SKAP2: variants seen among roughly 807,000 people sequenced by gnomAD.
SKAP2 encodes src kinase-associated phosphoprotein 2.
SKAP2 carries 28 observed loss-of-function variants against 54.9 expected under a neutral mutation model. That is an observed-to-expected ratio of 0.51 (90% CI 0.38 to 0.70). The LOEUF (loss-of-function observed/expected upper bound fraction) is 0.70. Ranked by LOEUF, SKAP2 falls within the 30% of genes least tolerant of loss-of-function variation. The pLI, the probability that SKAP2 is intolerant of heterozygous loss-of-function variation, is 0.00. For synonymous variants in SKAP2, 137 were observed against 134.3 expected (o/e 1.02, Z -0.14); for missense variants, 356 against 424.1 (o/e 0.84, Z 1.41).
chr7:26,779,394 T>C (rs1783379036), intron 4 of SKAP2, among the ~76,000 whole-genome samples: 1 of 152,032 alleles, frequency 6.6e-6, no homozygotes, highest in East Asian at 1.9e-4. Flanking sequence ...TAGGTCTCTA[T>C]GTTACAGATG....
At chr7:26,695,521 G>A (rs1786875744) in intron 9 of SKAP2, among the ~76,000 whole-genome samples, 2 of 152,018 alleles carry the variant, frequency 1.3e-5, no homozygotes, top group South Asian at 4.1e-4. Context: ...TTAACTTTAG[G>A]CATATGCCTT....
intron 6 of SKAP2, among the ~76,000 whole-genome samples, chr7:26,728,403 T>C (rs774944025): frequency 1.4e-4 from 22 of 152,170 alleles, no homozygotes; most frequent in African/African-American, 5.3e-4. Context: ...AAATTTAGTA[T>C]GCAGCATTTC....
chr7:26,802,401 A>C (rs567055992), intron 4 of SKAP2, among the ~76,000 whole-genome samples: 1 of 151,370 alleles, frequency 6.6e-6, no homozygotes, highest in Non-Finnish European at 1.5e-5. Flanking sequence ...CCTCCCAAGT[A>C]GCTAGGGCTA....
chr7:26,664,728 G>GAAAAAAAAA (rs372243207), downstream of SKAP2, among the ~76,000 whole-genome samples: 1 of 111,104 alleles, frequency 9.0e-6, no homozygotes, highest in Non-Finnish European at 1.9e-5. Flanking sequence ...AAACTGAAAA[G>GAAAAAAAAA]AAAAAAAAAA....
intron 11 of SKAP2, among the ~76,000 whole-genome samples, chr7:26,674,623 C>G (rs1403995803): frequency 6.6e-6 from 1 of 152,148 alleles, no homozygotes; most frequent in Admixed American, 6.5e-5. Context: ...TGTTTGAGCA[C>G]CACCATTCAG....
At chr7:26,733,670 T>C (rs1015262820) in intron 6 of SKAP2, among the ~76,000 whole-genome samples, 6 of 152,186 alleles carry the variant, frequency 3.9e-5, no homozygotes, top group Non-Finnish European at 7.4e-5. Context: ...TAAATTTCAA[T>C]GAAAAATTTT....
intron 11 of SKAP2, among the ~76,000 whole-genome samples, chr7:26,675,255 T>A (rs975741722): frequency 5.9e-5 from 9 of 152,168 alleles, no homozygotes; most frequent in African/African-American, 9.7e-5. Context: ...CTGTCACTGT[T>A]CTAGCTGGCA....
intron 1 of SKAP2, among the ~76,000 whole-genome samples, chr7:26,860,280 T>A (rs1011231719): frequency 1.3e-5 from 2 of 152,180 alleles, no homozygotes; most frequent in African/African-American, 4.8e-5. Context: ...ATTATATACT[T>A]AAAATAGGCA....
intron 11 of SKAP2, among the ~76,000 whole-genome samples, chr7:26,683,004 A>T (rs1419464533): frequency 6.6e-6 from 1 of 152,202 alleles, no homozygotes. Context: ...ATTCATAAAG[A>T]GGGTTTTACA....
At chr7:26,779,261 A>C (rs747591356) in intron 4 of SKAP2, among the ~76,000 whole-genome samples, 20 of 152,010 alleles carry the variant, frequency 1.3e-4, no homozygotes, top group South Asian at 6.2e-4. Flanking sequence ...TTGTAATAAG[A>C]TATTTCCTCT....
chr7:26,809,878 T>C (rs1784105584), intron 4 of SKAP2, among the ~76,000 whole-genome samples: 1 of 152,062 alleles, frequency 6.6e-6, no homozygotes, highest in Non-Finnish European at 1.5e-5. Context: ...GATGAATAGA[T>C]GAAGAAAATG....
intron 4 of SKAP2, among the ~76,000 whole-genome samples, chr7:26,754,688 TAACAACAC>T (rs1782751690): frequency 3.3e-5 from 5 of 152,186 alleles, no homozygotes; most frequent in Admixed American, 3.3e-4. Flanking sequence ...AAACGATTGC[TAACAACAC>T]ACAACAACTG....
intron 4 of SKAP2, among the ~76,000 whole-genome samples, chr7:26,741,844 G>T (rs1377298598): frequency 6.6e-6 from 1 of 150,850 alleles, no homozygotes. Flanking sequence ...AATACCATGG[G>T]GATCACAGTA....
chr7:26,832,432 G>T (rs1049209799), intron 4 of SKAP2, among the ~76,000 whole-genome samples: 1 of 152,104 alleles, frequency 6.6e-6, no homozygotes, highest in Admixed American at 6.5e-5. Flanking sequence ...AAAGTTTTAG[G>T]ATACAGCAGC....
intron 4 of SKAP2, among the ~76,000 whole-genome samples, chr7:26,749,908 C>A (rs1782644889): frequency 6.7e-6 from 1 of 150,078 alleles, no homozygotes; most frequent in Non-Finnish European, 1.5e-5. Context: ...TTACAAATAA[C>A]AGCACTGCAA....
chr7:26,775,698 C>G (rs953712564), intron 4 of SKAP2, among the ~76,000 whole-genome samples: 2 of 152,086 alleles, frequency 1.3e-5, no homozygotes, highest in Non-Finnish European at 2.9e-5. Flanking sequence ...TCCCACGCCC[C>G]CTTCCCTAAA....
intron 4 of SKAP2, among the ~76,000 whole-genome samples, chr7:26,831,685 G>A (rs1171985545): frequency 2.0e-5 from 3 of 152,106 alleles, no homozygotes; most frequent in African/African-American, 7.2e-5. Flanking sequence ...TAATTTGACA[G>A]ATGAGAAGAC....
rs34775523 is a variant in SKAP2 at position 26,693,332 on chromosome 7, C to CA, written c.797-2971dup. On this transcript the variant is annotated intron_variant, in intron 9 of 12. Transcript: ENST00000345317. Reference sequence around the variant, plus strand: ...GGGCGACAAGAGTGAAGCTCCATCTCAAAAAAAAAAAAAAAAAAAAAGAGA... The same window carrying CA: ...GGGCGACAAGAGTGAAGCTCCATCTCAAAAAAAAAAAAAAAAAAAAAAGAGA... Among the ~76,000 whole-genome samples, 64 of 79,768 alleles carry CA rather than the reference C, an allele frequency of 8.0e-4. 1 individual carries two copies. Among genetic ancestry groups the CA allele is most frequent in the African/African-American group, 1.6e-3 (36 of 23,174 alleles). 52.3% of individuals were successfully genotyped at this position (79,768 alleles called of 152,430 possible).
At chr7:26,732,464 A>T (rs1787841869) in intron 6 of SKAP2, among the ~76,000 whole-genome samples, 1 of 152,212 alleles carries the variant, frequency 6.6e-6, no homozygotes, top group African/African-American at 2.4e-5. Flanking sequence ...CTTTCTGCAT[A>T]AACAAAGTTG....
Sources: gnomAD v4.1 joint callset for allele counts (sites outside exome capture counted in the v4.1 genomes callset) on GRCh38, gnomAD v4.1.1 for gene constraint, MANE v1.5 for transcripts, NCBI Gene and HGNC (gene_info 2026-07-23, HGNC 2026-07-21) for gene names.